TENM2: variants seen among roughly 807,000 people sequenced by gnomAD.
TENM2 encodes teneurin transmembrane protein 2.
Under a neutral mutation model 245.2 loss-of-function variants are expected in TENM2, and 52 were observed. That is an observed-to-expected ratio of 0.21 (90% CI 0.17 to 0.27). TENM2 has a LOEUF of 0.27. TENM2 is among the 10% of genes least tolerant of loss of function. The probability of loss-of-function intolerance (pLI) is 1.00; values close to 1 mark genes in which losing one functional copy is unlikely to be tolerated. For synonymous variants in TENM2, 1,363 were observed against 1,438.9 expected, an observed-to-expected ratio of 0.95 and a Z score of 1.19; for missense variants, 3,046 against 3,666.8, an observed-to-expected ratio of 0.83 and a Z score of 4.37.
the TENM2 span, among the ~76,000 whole-genome samples, chr5:167,213,857 G>C: frequency 6.6e-6 from 1 of 152,194 alleles, no homozygotes; most frequent in Non-Finnish European, 1.5e-5. Flanking sequence ...TTCAGGAATT[G>C]CAATTTGTAT....
At chr5:167,554,206 A>T (rs1415474971) in intron 2 of TENM2, among the ~76,000 whole-genome samples, 1 of 152,216 alleles carries the variant, frequency 6.6e-6, no homozygotes, top group Non-Finnish European at 1.5e-5. Context: ...AATAGGAGTG[A>T]CCTTGTTCTG....
At chr5:167,377,183 T>C (rs1459164330) in intron 2 of TENM2, among the ~76,000 whole-genome samples, 1 of 152,190 alleles carries the variant, frequency 6.6e-6, no homozygotes, top group Non-Finnish European at 1.5e-5. Flanking sequence ...CTGAAATTCA[T>C]CATATATTTG....
intron 2 of TENM2, among the ~76,000 whole-genome samples, chr5:167,461,988 A>AT (rs1382259458): frequency 6.6e-6 from 1 of 152,186 alleles, no homozygotes; most frequent in Non-Finnish European, 1.5e-5. Context: ...AGAGATGGGA[A>AT]TAAATCGCAT....
the TENM2 span, among the ~76,000 whole-genome samples, chr5:167,106,783 G>A: frequency 0.031 from 4,754 of 151,978 alleles, 253 homozygotes; most frequent in African/African-American, 0.11. Context: ...TGAAGAGGGT[G>A]GGGGAGGGAA....
At chr5:167,685,465 T>C (rs1757011563) in intron 2 of TENM2, among the ~76,000 whole-genome samples, 1 of 152,172 alleles carries the variant, frequency 6.6e-6, no homozygotes, top group Non-Finnish European at 1.5e-5. Flanking sequence ...TCAATTGTAC[T>C]CTTTCCTAAA....
chr5:167,195,688 A>G, the TENM2 span, among the ~76,000 whole-genome samples: 2 of 152,026 alleles, frequency 1.3e-5, no homozygotes, highest in African/African-American at 4.8e-5. Flanking sequence ...ATTATTACTA[A>G]TGCTATCATT....
At chr5:167,516,014 AT>A (rs1033041355) in intron 2 of TENM2, among the ~76,000 whole-genome samples, 15 of 151,678 alleles carry the variant, frequency 9.9e-5, no homozygotes, top group African/African-American at 2.9e-4. Context: ...GAGGACACAG[AT>A]TTTTTTTTAG....
At chr5:167,705,984 TA>T (rs1561690611) in intron 2 of TENM2, among the ~76,000 whole-genome samples, 1,459 of 87,810 alleles carry the variant, frequency 0.017, 12 homozygotes, top group Non-Finnish European at 0.019. Context: ...TATATATATA[TA>T]TATATATTTA....
intron 9 of TENM2, among the ~76,000 whole-genome samples, chr5:168,116,238 C>T (rs114201378): frequency 0.02 from 3,082 of 152,206 alleles, 104 homozygotes; most frequent in African/African-American, 0.07. Flanking sequence ...CGTCTAAATT[C>T]AATATGCGGC....
intron 2 of TENM2, among the ~76,000 whole-genome samples, chr5:167,862,974 T>C (rs570480727): frequency 7.8e-4 from 119 of 152,354 alleles, no homozygotes; most frequent in African/African-American, 2.8e-3. Context: ...TAGTTAAAAT[T>C]ACTCTTCTCT....
At chr5:168,057,320 C>A (rs1789631890) in intron 6 of TENM2, among the ~76,000 whole-genome samples, 1 of 151,630 alleles carries the variant, frequency 6.6e-6, no homozygotes, top group South Asian at 2.1e-4. Context: ...AACACACACA[C>A]ACACACACAC....
At chr5:167,691,096 C>T (rs2150405533) in intron 2 of TENM2, among the ~76,000 whole-genome samples, 1 of 152,154 alleles carries the variant, frequency 6.6e-6, no homozygotes, top group African/African-American at 2.4e-5. Context: ...TCTGGAGACC[C>T]AAAGTTGTTT....
At chr5:167,338,236 TA>T (rs1757893242) in intron 1 of TENM2, among the ~76,000 whole-genome samples, 1 of 152,216 alleles carries the variant, frequency 6.6e-6, no homozygotes, top group Non-Finnish European at 1.5e-5. Context: ...CCCACAGGAC[TA>T]AAGGGTTTTT....
intron 1 of TENM2, among the ~76,000 whole-genome samples, chr5:167,357,460 T>G (rs932126947): frequency 1.3e-5 from 2 of 152,052 alleles, no homozygotes; most frequent in Admixed American, 6.5e-5. Context: ...TTTTTGTATT[T>G]TTAGTAGAGA....
chr5:168,041,404 C>T (rs115861046), intron 5 of TENM2, among the ~76,000 whole-genome samples: 2,211 of 152,278 alleles, frequency 0.015, 30 homozygotes, highest in Non-Finnish European at 0.021. Context: ...AAGGCAACTA[C>T]TCCTTCACCC....
intron 1 of TENM2, among the ~76,000 whole-genome samples, chr5:167,310,847 A>G (rs2127753519): frequency 6.6e-6 from 1 of 152,342 alleles, no homozygotes; most frequent in South Asian, 2.1e-4. Flanking sequence ...AAATGACAAT[A>G]ACAGTAAATT....
intron 2 of TENM2, among the ~76,000 whole-genome samples, chr5:167,652,665 A>T (rs1475565948): frequency 6.6e-6 from 1 of 152,060 alleles, no homozygotes; most frequent in East Asian, 1.9e-4. Context: ...GTCTCATTCC[A>T]TTTGACTCCT....
At chr5:167,374,549 T>C (rs745422197) in intron 1 of TENM2, among the ~76,000 whole-genome samples, 68 of 151,848 alleles carry the variant, frequency 4.5e-4, no homozygotes, top group Non-Finnish European at 8.5e-4. Context: ...GATGAGAAAA[T>C]TGGGGTTCGT....
At chr5:167,772,808 C>T (rs1184756466) in intron 2 of TENM2, among the ~76,000 whole-genome samples, 1 of 152,108 alleles carries the variant, frequency 6.6e-6, no homozygotes, top group Non-Finnish European at 1.5e-5. Context: ...GTTTAACCTC[C>T]TTGAAACTAC....
Sources: gnomAD v4.1 joint callset for allele counts (sites outside exome capture counted in the v4.1 genomes callset) on GRCh38, gnomAD v4.1.1 for gene constraint, MANE v1.5 for transcripts, NCBI Gene and HGNC (gene_info 2026-07-23, HGNC 2026-07-21) for gene names.